Variants in FGF14 observed in about 807,000 individuals in gnomAD.
The protein encoded by FGF14 is fibroblast growth factor 14.
Under a neutral mutation model 25.5 loss-of-function variants are expected in FGF14, and 5 were observed. The ratio of observed to expected loss-of-function variants is 0.20; its 90% CI spans 0.10 to 0.41. The LOEUF (loss-of-function observed/expected upper bound fraction) is 0.41, where lower values mean the gene tolerates loss of function less well. Among genes scored for constraint, FGF14 ranks in the 10% least tolerant of loss-of-function variants. FGF14 has a pLI of 1.00. For synonymous variants in FGF14, 138 were observed against 118.3 expected (o/e 1.17, Z -1.08); for missense variants, 222 against 320.1 (o/e 0.69, Z 2.34).
chr13:102,135,444 G>A (rs2046372870), intron 1 of FGF14, among the ~76,000 whole-genome samples: 1 of 152,068 alleles, frequency 6.6e-6, no homozygotes. Flanking sequence ...ACATTTACAG[G>A]AATGCAATTA....
intron 1 of FGF14, among the ~76,000 whole-genome samples, chr13:101,990,419 T>C (rs545938659): frequency 1.4e-5 from 2 of 145,460 alleles, no homozygotes; most frequent in African/African-American, 2.7e-5. Context: ...TTAAATACTT[T>C]AGAATGGGTG....
chr13:102,339,449 A>G (rs1014855745), intron 1 of FGF14, among the ~76,000 whole-genome samples: 2 of 152,190 alleles, frequency 1.3e-5, no homozygotes. Flanking sequence ...AAAATTTTAT[A>G]ACTGAAAGAT....
chr13:101,739,113 A>T (rs200835271), intron 3 of FGF14, among the ~76,000 whole-genome samples: 1 of 8,104 alleles, frequency 1.2e-4, no homozygotes, highest in Admixed American at 2.8e-3. Context: ...ATATACATGT[A>T]TATATATATA....
intron 1 of FGF14, among the ~76,000 whole-genome samples, chr13:102,010,407 A>G (rs1411773056): frequency 3.3e-5 from 5 of 152,208 alleles, no homozygotes. Flanking sequence ...AGATGTGACT[A>G]TCCCACAGAG....
chr13:101,831,458 G>C (rs1001405003), intron 3 of FGF14, among the ~76,000 whole-genome samples: 1 of 151,884 alleles, frequency 6.6e-6, no homozygotes, highest in African/African-American at 2.4e-5. Context: ...TACGCTTCAT[G>C]AATATTTCCT....
chr13:102,042,726 C>T (rs1212132118), intron 1 of FGF14, among the ~76,000 whole-genome samples: 3 of 152,174 alleles, frequency 2.0e-5, no homozygotes, highest in Non-Finnish European at 4.4e-5. Context: ...TGTGCCAACA[C>T]ATGTCTGTGT....
At chr13:102,089,830 T>C (rs1477994508) in intron 1 of FGF14, among the ~76,000 whole-genome samples, 2 of 152,230 alleles carry the variant, frequency 1.3e-5, no homozygotes, top group Non-Finnish European at 2.9e-5. Flanking sequence ...CAGATCATTT[T>C]AATTAGTTTT....
At chr13:102,390,028 C>A (rs1284939031) in intron 1 of FGF14, among the ~76,000 whole-genome samples, 1 of 152,180 alleles carries the variant, frequency 6.6e-6, no homozygotes, top group Non-Finnish European at 1.5e-5. Flanking sequence ...ATGTTGAATT[C>A]TCCACGTCTA....
chr13:101,798,004 C>A (rs772735217), intron 3 of FGF14, among the ~76,000 whole-genome samples: 64 of 152,168 alleles, frequency 4.2e-4, no homozygotes, highest in Non-Finnish European at 7.9e-4. Context: ...TACGAAAGTA[C>A]TTGCTAACGT....
At chr13:102,030,870 T>A (rs547358860) in intron 1 of FGF14, among the ~76,000 whole-genome samples, 1 of 152,214 alleles carries the variant, frequency 6.6e-6, no homozygotes, top group African/African-American at 2.4e-5. Context: ...TGTAAGCGAA[T>A]ACTCGGTATG....
At chr13:102,354,143 T>C (rs891546274) in intron 1 of FGF14, 2 of 152,280 alleles carry the variant, frequency 1.3e-5, no homozygotes, top group Admixed American at 6.5e-5. Flanking sequence ...GAAATTCCTT[T>C]TGGGACTCAA....
intron 3 of FGF14, chr13:101,778,790 A>T (rs960760235): frequency 8.5e-5 from 13 of 152,128 alleles, no homozygotes; most frequent in African/African-American, 3.1e-4. Context: ...CACTGCTTGT[A>T]ATTTCTTAAA....
chr13:102,265,111 T>C (rs1476714627), intron 1 of FGF14, among the ~76,000 whole-genome samples: 2 of 152,124 alleles, frequency 1.3e-5, no homozygotes, highest in Non-Finnish European at 2.9e-5. Flanking sequence ...TAAAATGCCT[T>C]TTCTCTCTCT....
upstream of FGF14, among the ~76,000 whole-genome samples, chr13:101,917,230 C>T (rs2033620606): frequency 6.6e-6 from 1 of 152,086 alleles, no homozygotes; most frequent in Non-Finnish European, 1.5e-5. Context: ...CTTTGGAAAT[C>T]AGCATCTGGA....
At chr13:101,737,606 T>C (rs1281374966) in intron 3 of FGF14, among the ~76,000 whole-genome samples, 3 of 152,162 alleles carry the variant, frequency 2.0e-5, no homozygotes, top group African/African-American at 7.2e-5. Flanking sequence ...CAAAATGACA[T>C]ATTTTGGAAA....
At position 101,851,027 on chromosome 13, in the gene FGF14, G is replaced by A. The variant is rs554991415; in HGVS notation, c.408+17698C>T. Among the ~76,000 whole-genome samples the A allele has an allele frequency of 2.6e-5, 4 of 152,164 alleles. No individual in the cohort carries two copies. The South Asian group carries it at 8.3e-4, about 32-fold the overall frequency. On this transcript the variant is annotated intron_variant, in intron 3 of 4. Transcript: ENST00000376143. ...CAAACTCCTAACTGCTAGTAGCTAT[G>A]AATGAATGTAACTATGTTCAGAGGT... is the stretch of plus-strand genomic sequence containing the variant.
intron 1 of FGF14, among the ~76,000 whole-genome samples, chr13:101,973,603 T>C (rs2037745073): frequency 6.6e-6 from 1 of 152,094 alleles, no homozygotes; most frequent in African/African-American, 2.4e-5. Flanking sequence ...TAGAGTCCAA[T>C]GTTTGAGGGC....
At chr13:101,782,940 G>C (rs961546489) in intron 3 of FGF14, among the ~76,000 whole-genome samples, 2 of 152,150 alleles carry the variant, frequency 1.3e-5, no homozygotes, top group African/African-American at 2.4e-5. Context: ...TTAGGTCTTT[G>C]AGGAATTGTC....
At chr13:101,836,060 G>A (rs1566957127) in intron 3 of FGF14, among the ~76,000 whole-genome samples, 2 of 152,042 alleles carry the variant, frequency 1.3e-5, no homozygotes, top group East Asian at 3.9e-4. Context: ...CTGGTGCAGT[G>A]ATATGTTTCT....
Sources: gnomAD v4.1 joint callset for allele counts (sites outside exome capture counted in the v4.1 genomes callset) on GRCh38, gnomAD v4.1.1 for gene constraint, MANE v1.5 for transcripts, NCBI Gene and HGNC (gene_info 2026-07-23, HGNC 2026-07-21) for gene names.